The following PLCL1 variants were observed in gnomAD, a reference collection of about 807,000 sequenced individuals.
The protein encoded by PLCL1 is inactive phospholipase C-like protein 1.
PLCL1 carries 41 observed loss-of-function variants against 84.4 expected under a neutral mutation model. The ratio of observed to expected loss-of-function variants is 0.49; its 90% CI spans 0.38 to 0.63. The LOEUF (loss-of-function observed/expected upper bound fraction) is 0.63, where lower values mean the gene tolerates loss of function less well. PLCL1 is among the 30% of genes least tolerant of loss of function. The pLI, the probability that PLCL1 is intolerant of heterozygous loss-of-function variation, is 0.00. For missense variants in PLCL1, 1,206 were observed against 1,367.8 expected (o/e 0.88, Z 1.87); for synonymous variants, 490 against 488.3 (o/e 1.00, Z -0.05).
At chr2:198,010,345 T>C (rs1417638398) in intron 1 of PLCL1, among the ~76,000 whole-genome samples, 1 of 152,064 alleles carries the variant, frequency 6.6e-6, no homozygotes, top group Non-Finnish European at 1.5e-5. Flanking sequence ...TTTCCTTCTA[T>C]TCCTAGTTTG....
At chr2:198,145,326 C>T (rs543706086) in intron 5 of PLCL1, among the ~76,000 whole-genome samples, 2 of 152,320 alleles carry the variant, frequency 1.3e-5, no homozygotes, top group Admixed American at 1.3e-4. Context: ...ACATCTCTCA[C>T]TGACAGAGTC....
At chr2:198,088,811 A>T (rs1236986526) in intron 2 of PLCL1, 47 bp from the exon 3 acceptor site, 1 of 1,075,890 alleles carries the variant, frequency 9.3e-7, no homozygotes, top group Admixed American at 1.7e-5. Flanking sequence ...GCTGGCGGTG[A>T]TGTGTCAGGT....
rs954895968 is a variant in PLCL1, at chr2:198,089,036, A to G, written c.2894A>G (p.Lys965Arg). Residue 965 changes from lysine to arginine, a missense_variant, in exon 3 of 6, where the codon AAA (lysine) becomes AGA (arginine). Coordinates refer to ENST00000428675, the MANE Select transcript of PLCL1 (RefSeq NM_006226.4). ...EPLGAIPDVQ[K>R]KMLTAYDLMI... ...CTGGGTGCAATTCCAGATGTGCAGA[A>G]AAAGATGCTGACTGCTTATGATCTG... 8 of 1,613,860 alleles carry G rather than the reference A, an allele frequency of 5.0e-6. No individual in the cohort carries two copies. The highest frequency in any genetic ancestry group is 6.8e-6 in the Non-Finnish European group (8 of 1,179,854).
chr2:198,006,856 T>G (rs1210369107), intron 1 of PLCL1, among the ~76,000 whole-genome samples: 1 of 152,208 alleles, frequency 6.6e-6, no homozygotes, highest in East Asian at 1.9e-4. Flanking sequence ...AACTGAGCTG[T>G]GCCCAAAACC....
At chr2:197,880,582 G>A (rs931769621) in intron 1 of PLCL1, among the ~76,000 whole-genome samples, 2 of 152,094 alleles carry the variant, frequency 1.3e-5, no homozygotes, top group African/African-American at 4.8e-5. Context: ...GGACTATAAG[G>A]AAAAAGGCAA....
intron 1 of PLCL1, among the ~76,000 whole-genome samples, chr2:197,955,587 G>A (rs1031803522): frequency 2.0e-5 from 3 of 151,210 alleles, no homozygotes; most frequent in Non-Finnish European, 4.4e-5. Flanking sequence ...CCCTCTCTGT[G>A]TCCAAGTGTT....
intron 1 of PLCL1, among the ~76,000 whole-genome samples, chr2:197,911,169 C>A (rs1347848689): frequency 6.6e-6 from 1 of 151,896 alleles, no homozygotes; most frequent in Non-Finnish European, 1.5e-5. Flanking sequence ...ATGGGGAAAC[C>A]CCATCTCGAC....
At chr2:198,130,350 T>G (rs1486289868) in intron 5 of PLCL1, among the ~76,000 whole-genome samples, 1 of 152,142 alleles carries the variant, frequency 6.6e-6, no homozygotes. Flanking sequence ...CTGGTATTTC[T>G]TAGGGTTCTA....
chr2:198,097,745 C>T (rs1017465314), intron 3 of PLCL1, among the ~76,000 whole-genome samples: 2 of 152,138 alleles, frequency 1.3e-5, no homozygotes, highest in African/African-American at 4.8e-5. Context: ...ACTTGTCCTG[C>T]GCCATTACAA....
chr2:197,886,914 T>A (rs1159231722), intron 1 of PLCL1, among the ~76,000 whole-genome samples: 1 of 152,332 alleles, frequency 6.6e-6, no homozygotes, highest in Non-Finnish European at 1.5e-5. Flanking sequence ...CTTAGGTTTT[T>A]ATATTCTGTT....
chr2:197,857,189 T>C (rs1260893103), intron 1 of PLCL1, among the ~76,000 whole-genome samples: 2 of 151,844 alleles, frequency 1.3e-5, no homozygotes, highest in Non-Finnish European at 2.9e-5. Context: ...TTTTTTAAGA[T>C]CACTTTGATA....
chr2:197,916,653 C>A (rs895187747), intron 1 of PLCL1, among the ~76,000 whole-genome samples: 1 of 151,754 alleles, frequency 6.6e-6, no homozygotes, highest in African/African-American at 2.4e-5. Flanking sequence ...AGAGAGCAGG[C>A]TTTCAGAGAA....
rs1687615919 is a variant in PLCL1 at position 197,869,808 on chromosome 2, C to T, written c.240+64469C>T. Among the ~76,000 whole-genome samples, 3 of 152,168 alleles carry T rather than the reference C, an allele frequency of 2.0e-5. No individual in the cohort carries two copies. In the South Asian group the frequency reaches 6.2e-4, roughly 32 times the overall value. ...TTTATCTGTCATGTAAAAACAGCAG[C>T]AACAGCTCATAGTAGAAGGTATGCT... is the stretch of plus-strand genomic sequence containing the variant. On this transcript the variant is annotated intron_variant, in intron 1 of 5. Coordinates refer to ENST00000428675, the MANE Select transcript of PLCL1 (RefSeq NM_006226.4).
chr2:197,964,720 T>A (rs1212186868), intron 1 of PLCL1, among the ~76,000 whole-genome samples: 1 of 152,128 alleles, frequency 6.6e-6, no homozygotes, highest in Non-Finnish European at 1.5e-5. Flanking sequence ...TAACTGTGGG[T>A]TTGTCTTATA....
intron 1 of PLCL1, among the ~76,000 whole-genome samples, chr2:197,946,430 A>G (rs973970824): frequency 2.3e-4 from 35 of 152,232 alleles, no homozygotes; most frequent in Non-Finnish European, 5.9e-5. Flanking sequence ...AACTACAAGA[A>G]CAGGCTGTTT....
chr2:198,147,007 G>C lies in PLCL1; in HGVS notation c.*45G>C, dbSNP rs1694537548. ...GTTCACCCATCTTATCAAGGACTCT[G>C]GTTTCTCATTCTTGTTTTCTTTCTT... On this transcript the variant is annotated 3_prime_UTR_variant, in exon 6 of 6. Coordinates refer to ENST00000428675, the MANE Select transcript of PLCL1 (RefSeq NM_006226.4). 6.9e-7 allele frequency: 1 copy of C among 1,458,338 alleles called. No individual in the cohort carries two copies. The allele number at this position is 1,458,338 out of a possible 1,614,324, so 90.3% of individuals were successfully genotyped here.
At chr2:197,968,333 A>G (rs1196174541) in intron 1 of PLCL1, among the ~76,000 whole-genome samples, 1 of 152,224 alleles carries the variant, frequency 6.6e-6, no homozygotes, top group Non-Finnish European at 1.5e-5. Flanking sequence ...CCAATCCATC[A>G]TTCCTAGCAA....
chr2:197,913,468 G>A (rs577754072), intron 1 of PLCL1, among the ~76,000 whole-genome samples: 8 of 152,302 alleles, frequency 5.3e-5, no homozygotes, highest in East Asian at 1.9e-4. Context: ...CATGAGAAAC[G>A]ATTAGGTTCT....
intron 5 of PLCL1, among the ~76,000 whole-genome samples, chr2:198,112,355 C>T (rs1478089857): frequency 6.6e-6 from 1 of 151,864 alleles, no homozygotes; most frequent in African/African-American, 2.4e-5. Context: ...CCCAGGACCC[C>T]TGAGAGCCCA....
Sources: allele counts gnomAD v4.1 joint callset (sites outside exome capture counted in the v4.1 genomes callset), GRCh38; gene constraint gnomAD v4.1.1; transcripts MANE v1.5; gene names NCBI Gene and HGNC (gene_info 2026-07-23, HGNC 2026-07-21).